Variants in PCDHA5 observed in about 807,000 individuals in gnomAD.
PCDHA5 encodes protocadherin alpha-5.
A neutral mutation model predicts 61.6 loss-of-function variants in PCDHA5; 43 were observed. That is an observed-to-expected ratio of 0.70 (90% CI 0.55 to 0.90). The LOEUF (loss-of-function observed/expected upper bound fraction) is 0.90, where lower values mean the gene tolerates loss of function less well. Ranked by LOEUF, PCDHA5 falls within the 40% of genes least tolerant of loss-of-function variation. PCDHA5 has a pLI of 0.00. For missense variants in PCDHA5, 1,298 were observed against 1,222.7 expected (o/e 1.06, Z -0.92); for synonymous variants, 627 against 543.9 (o/e 1.15, Z -2.13).
intron 1 of PCDHA5, chr5:140,829,830 T>C (rs1562311801): frequency 1.2e-6 from 2 of 1,613,890 alleles, no homozygotes; most frequent in Non-Finnish European, 8.5e-7. Context: ...GTGAGCGAGC[T>C]GGTGCCGCGG....
intron 1 of PCDHA5, chr5:140,828,460 G>A: frequency 6.2e-7 from 1 of 1,614,278 alleles, no homozygotes; most frequent in Non-Finnish European, 8.5e-7. Flanking sequence ...ACGTGGAGGT[G>A]AGGGACATTA....
At position 141,009,762 on chromosome 5, in the gene PCDHA5, C is replaced by G. The variant is rs2154001658; in HGVS notation, c.2636C>G (p.Ser879Cys). Reference sequence around the variant, plus strand: ...CCCGACAAATTCATTATCCCAGGATCTCCTGCAATCATCTCCATCCGGCAG... The same window carrying G: ...CCCGACAAATTCATTATCCCAGGATGTCCTGCAATCATCTCCATCCGGCAG... Reference protein sequence around the residue: ...ELPDKFIIPGSPAIISIRQEP... With the variant: ...ELPDKFIIPGCPAIISIRQEP... The change falls in exon 4 of 4, where the codon TCT becomes TGT. Residue 879 changes from serine (S) to cysteine (C), a missense_variant. Coordinates refer to ENST00000529859, the MANE Select transcript of PCDHA5 (RefSeq NM_018908.3). 5 of 1,614,180 alleles carry G rather than the reference C, an allele frequency of 3.1e-6. No homozygotes were observed. In the East Asian group the frequency reaches 1.1e-4, roughly 36 times the overall value.
At chr5:140,824,610 G>GT (rs2150135229) in intron 1 of PCDHA5, 42,955 of 94,730 alleles carry the variant, frequency 0.45, 12,425 homozygotes, top group South Asian at 0.52. Flanking sequence ...GCTAATTAAA[G>GT]TTTTTTTTTT....
At chr5:140,967,409 C>T (rs1451311967) in intron 1 of PCDHA5, 9 of 1,613,130 alleles carry the variant, frequency 5.6e-6, no homozygotes, top group Non-Finnish European at 7.6e-6. Flanking sequence ...GCGTAAGGGC[C>T]TAGACCGGGA....
intron 1 of PCDHA5, among the ~76,000 whole-genome samples, chr5:140,893,163 T>C (rs557235731): frequency 6.6e-6 from 1 of 152,354 alleles, no homozygotes; most frequent in African/African-American, 2.4e-5. Flanking sequence ...GATATTGAGG[T>C]TGATTCCACA....
rs140949600 is a variant in PCDHA5, at chr5:140,848,602, C to G, written c.2352+24475C>G. Reference sequence around the variant, plus strand: ...AGCGGCCAGCTCCACTACTCCGTCCCGGAGGAAGCCGAACACGGCACCTTC... The same window carrying G: ...AGCGGCCAGCTCCACTACTCCGTCCGGGAGGAAGCCGAACACGGCACCTTC... On this transcript the variant is annotated intron_variant, in intron 1 of 3. Transcript: ENST00000529859. 8.2e-6 allele frequency: 13 copies of G among 1,593,476 alleles called. 1 individual carries two copies. In the South Asian group the frequency reaches 1.1e-4, roughly 14 times the overall value.
chr5:140,972,773 T>C (rs201511055), intron 1 of PCDHA5, among the ~76,000 whole-genome samples: 2 of 151,600 alleles, frequency 1.3e-5, no homozygotes, highest in African/African-American at 2.4e-5. Context: ...AAGTGATTCT[T>C]CTGCCTCAGC....
Position 141,010,284 on chromosome 5 carries a change from A to G in PCDHA5, c.*347A>G. 6.4e-7 allele frequency: 1 copy of G among 1,551,156 alleles called. No homozygotes were observed. Among genetic ancestry groups the G allele is most frequent in the Non-Finnish European group, 8.7e-7 (1 of 1,146,860 alleles). On this transcript the variant is annotated 3_prime_UTR_variant, in exon 4 of 4. Coordinates refer to ENST00000529859, the MANE Select transcript of PCDHA5 (RefSeq NM_018908.3). ...GCTCCGGGGATCCTGTCTTGATGACACTTGCAGGGCAGGCTGAAAAGTTTT... is the reference window on the plus strand; with the variant it reads ...GCTCCGGGGATCCTGTCTTGATGACGCTTGCAGGGCAGGCTGAAAAGTTTT...
intron 1 of PCDHA5, among the ~76,000 whole-genome samples, chr5:140,949,245 A>G (rs782212374): frequency 2.4e-4 from 37 of 151,798 alleles, no homozygotes; most frequent in Non-Finnish European, 4.3e-4. Context: ...GCAACAGTCT[A>G]TCTTGATGAA....
intron 1 of PCDHA5, chr5:140,829,477 G>A (rs2150168551): frequency 2.5e-6 from 4 of 1,613,692 alleles, no homozygotes; most frequent in Admixed American, 3.3e-5. Flanking sequence ...AGTACACAGT[G>A]TTCGTGAAGG....
intron 3 of PCDHA5, among the ~76,000 whole-genome samples, chr5:140,986,303 A>G (rs2097193977): frequency 6.6e-6 from 1 of 152,166 alleles, no homozygotes; most frequent in South Asian, 2.1e-4. Context: ...CAGAGAGAGA[A>G]AATTAGCTAA....
Position 140,982,517 on chromosome 5 carries a change from A to T in PCDHA5, c.2454A>T (p.Pro818=), listed in dbSNP as rs990701966. The T allele has an allele frequency of 2.5e-5, 41 of 1,614,116 alleles. No individual in the cohort carries two copies. The highest frequency in any genetic ancestry group is 3.4e-5 in the Non-Finnish European group (40 of 1,180,048). Residue 818 remains proline, a synonymous_variant, in exon 3 of 4, where the codon CCA becomes CCT. Coordinates refer to ENST00000529859, the MANE Select transcript of PCDHA5 (RefSeq NM_018908.3). The part of the protein sequence containing the change: ...LEEAGILRAG[P]GGPDQQWPTV... ...AGGCTGGCATTCTACGGGCTGGTCC[A>T]GGAGGGCCTGATCAGCAGTGGCCAA...
intron 1 of PCDHA5, chr5:140,848,326 C>T (rs1554142056): frequency 2.5e-6 from 2 of 808,244 alleles, no homozygotes; most frequent in African/African-American, 3.4e-5. Flanking sequence ...GATGTTCTCT[C>T]TGAATCCAGA....
intron 1 of PCDHA5, among the ~76,000 whole-genome samples, chr5:140,924,207 T>C (rs2081717308): frequency 6.6e-6 from 1 of 152,198 alleles, no homozygotes. Flanking sequence ...AGAAATTTGG[T>C]GAAGAATAAG....
At chr5:140,895,137 G>A (rs1184479322) in intron 1 of PCDHA5, among the ~76,000 whole-genome samples, 2 of 152,072 alleles carry the variant, frequency 1.3e-5, no homozygotes, top group Non-Finnish European at 2.9e-5. Context: ...CAAGTTCATA[G>A]GGCTAAGACA....
chr5:140,824,029 C>T lies in PCDHA5; in HGVS notation c.2254C>T (p.Gln752Ter), dbSNP rs1470946833. Residue 752 changes from glutamine (Q) to a stop codon, truncating the protein, a stop_gained, in exon 1 of 4, where the codon CAG becomes TAG. Transcript: ENST00000529859. LOFTEE classifies it high-confidence loss of function. ...SAVGSWSYSQ[Q>*]RRQRVCSGEA... ...GGTGGGGAGCTGGTCGTACTCGCAG[C>T]AGAGGAGACAGAGGGTGTGCTCTGG... 1 of 1,614,040 alleles carries T rather than the reference C, an allele frequency of 6.2e-7. No individual in the cohort carries two copies. Among genetic ancestry groups the T allele is most frequent in the African/African-American group, 1.3e-5 (1 of 74,936 alleles).
rs144940545 is a variant in PCDHA5, at chr5:140,840,415, A to G, written c.2352+16288A>G. Among the ~76,000 whole-genome samples the G allele has an allele frequency of 1.2e-3, 182 of 152,100 alleles. 3 individuals are homozygous for G. In the East Asian group the frequency reaches 0.029, roughly 25 times the overall value. On this transcript the variant is annotated intron_variant, in intron 1 of 3. Coordinates refer to ENST00000529859, the MANE Select transcript of PCDHA5 (RefSeq NM_018908.3). ...ATATGGAGTTAAGAATACTTCAAAT[A>G]ATAGGCTAGTTTAAAGCCGTGGAAA...
At chr5:140,973,599 T>C (rs952944512) in intron 1 of PCDHA5, among the ~76,000 whole-genome samples, 7 of 152,258 alleles carry the variant, frequency 4.6e-5, no homozygotes, top group African/African-American at 1.4e-4. Flanking sequence ...GATGGAATTA[T>C]GGCTGAGCTC....
intron 1 of PCDHA5, among the ~76,000 whole-genome samples, chr5:140,917,183 A>T (rs2077937210): frequency 6.6e-6 from 1 of 152,132 alleles, no homozygotes; most frequent in African/African-American, 2.4e-5. Flanking sequence ...GTGATCCCAG[A>T]GTGTCTCTCC....
Sources: allele counts gnomAD v4.1 joint callset (sites outside exome capture counted in the v4.1 genomes callset), GRCh38; gene constraint gnomAD v4.1.1; transcripts MANE v1.5; gene names NCBI Gene and HGNC (gene_info 2026-07-23, HGNC 2026-07-21).